Variants in CRACD observed in about 807,000 individuals in gnomAD.
The protein encoded by CRACD is capping protein inhibiting regulator of actin dynamics.
CRACD carries 56 observed loss-of-function variants against 106.8 expected under a neutral mutation model. The ratio of observed to expected loss-of-function variants is 0.52; its 90% CI spans 0.42 to 0.66. The LOEUF (loss-of-function observed/expected upper bound fraction) is 0.66, where lower values mean the gene tolerates loss of function less well. Ranked by LOEUF, CRACD falls within the 30% of genes least tolerant of loss-of-function variation. The probability of loss-of-function intolerance (pLI) is 0.00; values close to 1 mark genes in which losing one functional copy is unlikely to be tolerated. For synonymous variants in CRACD, 754 were observed against 670.8 expected (o/e 1.12, Z -1.92); for missense variants, 1,730 against 1,623.2 (o/e 1.07, Z -1.13).
chr4:56,243,232 C>T (rs1429412729), intron 2 of CRACD, among the ~76,000 whole-genome samples: 1 of 152,180 alleles, frequency 6.6e-6, no homozygotes, highest in Non-Finnish European at 1.5e-5. Context: ...CTTTCTCTCG[C>T]TCTCTTCAAG....
intron 1 of CRACD, among the ~76,000 whole-genome samples, chr4:56,098,951 T>C (rs1236666009): frequency 6.6e-6 from 1 of 152,208 alleles, no homozygotes; most frequent in Non-Finnish European, 1.5e-5. Flanking sequence ...TGGCTTGGGA[T>C]TACAGGTGTG....
In CRACD at chr4:56,328,267, C is replaced by T; in HGVS notation, c.*463C>T. 3.9e-6 allele frequency: 2 copies of T among 515,012 alleles called. No individual in the cohort carries two copies. Among genetic ancestry groups the T allele is most frequent in the South Asian group, 2.8e-5 (2 of 70,410 alleles). 31.9% of individuals were successfully genotyped at this position (515,012 alleles called of 1,614,324 possible). ...CTTTCTACAGTAATGGTGAAAGGAT[C>T]ATATCTAGCTAAAAGCAAGAACACC... On this transcript the variant is annotated 3_prime_UTR_variant, in exon 11 of 11. Transcript: ENST00000682029.
Position 56,315,362 on chromosome 4 carries a change from C to T in CRACD, c.1860C>T (p.Ser620=), listed in dbSNP as rs989454160. 7 of 1,613,506 alleles carry T rather than the reference C, an allele frequency of 4.3e-6. No homozygotes were observed. In the African/African-American group the frequency reaches 6.7e-5, roughly 15 times the overall value. Residue 620 remains serine, a synonymous_variant, in exon 8 of 11, where the codon TCC becomes TCT. Transcript: ENST00000682029. The surrounding 1 kb of genome is among the most constrained non-coding windows in gnomAD (Gnocchi z 4.1). ...AGATCAAGGACACCGCGTGCAAGTC[C>T]CTCCTGGGCTTGGAGGAGAAGAAGC... ...LSQIKDTACK[S]LLGLEEKKHA...
chr4:56,138,391 G>A (rs1735078718), intron 1 of CRACD, among the ~76,000 whole-genome samples: 1 of 152,074 alleles, frequency 6.6e-6, no homozygotes, highest in Admixed American at 6.6e-5. Context: ...TTGAACTTGG[G>A]AGGCGGAAGT....
Position 56,072,588 on chromosome 4 carries a change from TTTTC to T in CRACD, c.-336+23309_-336+23312del, listed in dbSNP as rs749010900. Among the ~76,000 whole-genome samples the T allele has an allele frequency of 3.6e-3, 545 of 151,008 alleles. 5 individuals are homozygous for T. Among genetic ancestry groups the T allele is most frequent in the African/African-American group, 0.01 (430 of 41,210 alleles). ...ATCACTGCTATCTAATTCTAGACCA[TTTTC>T]TTTCTTTCTTTCTTTCTTTTTTTTT... On this transcript the variant is annotated intron_variant, in intron 1 of 10. Transcript: ENST00000682029.
At chr4:56,149,066 T>C (rs1176277987) in intron 1 of CRACD, among the ~76,000 whole-genome samples, 1 of 152,216 alleles carries the variant, frequency 6.6e-6, no homozygotes, top group Admixed American at 6.5e-5. Context: ...TCTGCCTGCC[T>C]TGGCCTCCCA....
intron 3 of CRACD, among the ~76,000 whole-genome samples, chr4:56,285,765 C>A (rs529336596): frequency 7.2e-5 from 11 of 152,100 alleles, no homozygotes; most frequent in African/African-American, 2.7e-4. Flanking sequence ...TTTTACATAT[C>A]ATAAATTTAA....
intron 3 of CRACD, among the ~76,000 whole-genome samples, chr4:56,297,318 A>G (rs1335370327): frequency 6.6e-6 from 1 of 152,136 alleles, no homozygotes; most frequent in Non-Finnish European, 1.5e-5. Context: ...ACTTTCAACT[A>G]AAAAGTGTTT....
chr4:56,314,482 C>T lies in CRACD; in HGVS notation c.980C>T (p.Ala327Val), dbSNP rs1460122685. 2.6e-6 allele frequency: 4 copies of T among 1,526,882 alleles called. No individual in the cohort carries two copies. The highest frequency in any genetic ancestry group is 3.5e-6 in the Non-Finnish European group (4 of 1,138,110). 94.6% of individuals were successfully genotyped at this position (1,526,882 alleles called of 1,614,324 possible). The change falls in exon 8 of 11, where the codon GCC becomes GTC. Residue 327 changes from alanine (A) to valine (V), a missense_variant. Physicochemically the swap from Ala to Val is moderately conservative, Grantham distance 64 (BLOSUM62 0). This residue lies in a region of CRACD where 1,620 missense variants were observed against 1,481.6 expected (regional missense o/e 1.09). Coordinates refer to ENST00000682029, the MANE Select transcript of CRACD (RefSeq NM_001393381.1). The surrounding 1 kb of genome is among the most constrained non-coding windows in gnomAD (Gnocchi z 4.4). ...EEERRRLQAQ[A>V]QAEERRRLEE... Reference sequence around the variant, plus strand: ...GAGCGAAGGCGTCTGCAGGCCCAGGCCCAAGCGGAGGAGAGGCGGCGGCTG... The same window carrying T: ...GAGCGAAGGCGTCTGCAGGCCCAGGTCCAAGCGGAGGAGAGGCGGCGGCTG...
chr4:56,279,144 A>C (rs1333500390), intron 3 of CRACD, among the ~76,000 whole-genome samples: 1 of 152,156 alleles, frequency 6.6e-6, no homozygotes, highest in Non-Finnish European at 1.5e-5. Context: ...CAGTGCTATT[A>C]GTGTTAGAAA....
chr4:56,312,409 C>T (rs146227587), intron 6 of CRACD, among the ~76,000 whole-genome samples: 4 of 152,252 alleles, frequency 2.6e-5, no homozygotes, highest in South Asian at 2.1e-4. Context: ...GTGATCTGCC[C>T]GCTTCAGCCT....
At chr4:56,303,284 G>A (rs2109735361) in intron 4 of CRACD, among the ~76,000 whole-genome samples, 1 of 152,116 alleles carries the variant, frequency 6.6e-6, no homozygotes, top group South Asian at 2.1e-4. Context: ...GGCGGAGGCT[G>A]CAGTGAGCCG....
At chr4:56,303,047 AAAG>A (rs1437104321) in intron 4 of CRACD, among the ~76,000 whole-genome samples, 23 of 152,314 alleles carry the variant, frequency 1.5e-4, no homozygotes, top group Admixed American at 7.2e-4. Flanking sequence ...CCATGTGTAT[AAAG>A]AAGGAGTCTG....
chr4:56,294,136 G>A (rs1454343715), intron 3 of CRACD, among the ~76,000 whole-genome samples: 1 of 151,872 alleles, frequency 6.6e-6, no homozygotes, highest in Non-Finnish European at 1.5e-5. Context: ...TGAGGCAGGA[G>A]GATCCCCTGA....
intron 2 of CRACD, among the ~76,000 whole-genome samples, chr4:56,214,072 A>G (rs1338223688): frequency 6.6e-6 from 1 of 152,230 alleles, no homozygotes; most frequent in South Asian, 2.1e-4. Flanking sequence ...TTTTAACAAA[A>G]TACCATCCTG....
rs556490545 is a variant in CRACD, at chr4:56,322,014, A to G, written c.3188-1363A>G. On this transcript the variant is annotated intron_variant, in intron 8 of 10. Coordinates refer to ENST00000682029, the MANE Select transcript of CRACD (RefSeq NM_001393381.1). Reference sequence around the variant, plus strand: ...CAGTTGACTGAGAGCCCTGGAAGTAAGGTTCTGGACTACCAAAGTGTAAAC... The same window carrying G: ...CAGTTGACTGAGAGCCCTGGAAGTAGGGTTCTGGACTACCAAAGTGTAAAC... Among the ~76,000 whole-genome samples the G allele has an allele frequency of 2.6e-5, 4 of 152,332 alleles. No homozygotes were observed. In the South Asian group the frequency reaches 8.3e-4, roughly 32 times the overall value.
At chr4:56,172,777 C>T (rs1736427449) in intron 1 of CRACD, among the ~76,000 whole-genome samples, 1 of 152,184 alleles carries the variant, frequency 6.6e-6, no homozygotes, top group Non-Finnish European at 1.5e-5. Flanking sequence ...TTGCGTGCCA[C>T]CATGCCCAGC....
In CRACD at chr4:56,314,407, A is replaced by G; in HGVS notation, c.905A>G (p.Asp302Gly). 2 of 1,127,470 alleles carry G rather than the reference A, an allele frequency of 1.8e-6. No homozygotes were observed. Among genetic ancestry groups the G allele is most frequent in the South Asian group, 3.4e-5 (2 of 59,538 alleles). 69.8% of individuals were successfully genotyped at this position (1,127,470 alleles called of 1,614,324 possible). A position where few individuals can be genotyped will look rare whatever the true frequency, so the allele number is the denominator to read the frequency against. Residue 302 changes from aspartate (D) to glycine (G), a missense_variant, in exon 8 of 11, where the codon GAC (aspartate) becomes GGC (glycine). Coordinates refer to ENST00000682029, the MANE Select transcript of CRACD (RefSeq NM_001393381.1). This position sits in a 1 kb window ranked among gnomAD's most constrained non-coding sequence, Gnocchi z 4.4. ...AGCCTGGAAGCGCCAGGTTGGGAGG[A>G]CGCGGAGCGGAGGGAGCGTGAGGAG... ...QRSLEAPGWE[D>G]AERREREERE...
rs770171151 is a variant in CRACD at position 56,327,726 on chromosome 4, G to T, written c.3624G>T (p.Val1208=). The part of the protein sequence containing the change: ...KRFSTPDAAP[V]STEPAWLALA... ...TTTCCACCCCGGATGCTGCCCCCGT[G>T]TCAACAGAACCAGCCTGGCTGGCTT... The change falls in exon 11 of 11, where the codon GTG becomes GTT. Residue 1208 remains valine (V), a synonymous_variant. Transcript: ENST00000682029. The T allele has an allele frequency of 6.2e-7, 1 of 1,614,158 alleles. No homozygotes were observed. Among genetic ancestry groups the T allele is most frequent in the Non-Finnish European group, 8.5e-7 (1 of 1,180,034 alleles).
Sources: allele counts gnomAD v4.1 joint callset (sites outside exome capture counted in the v4.1 genomes callset), GRCh38; gene constraint gnomAD v4.1.1; regional missense constraint gnomAD v4.1.1; non-coding constraint Gnocchi (gnomAD v3.1); transcripts MANE v1.5; gene names NCBI Gene and HGNC (gene_info 2026-07-23, HGNC 2026-07-21).